The following ACADM variants were observed in gnomAD, a reference collection of about 807,000 sequenced individuals.
ACADM encodes acyl-CoA dehydrogenase medium chain.
A neutral mutation model predicts 58.9 loss-of-function variants in ACADM; 49 were observed. That is an observed-to-expected ratio of 0.83 (90% CI 0.66 to 1.06). The LOEUF (loss-of-function observed/expected upper bound fraction) is 1.06. ACADM is among the 50% of genes least tolerant of loss of function. ACADM has a pLI of 0.00. For missense variants in ACADM, 496 were observed against 507.0 expected, an observed-to-expected ratio of 0.98 and a Z score of 0.21; for synonymous variants, 160 against 157.7, an observed-to-expected ratio of 1.01 and a Z score of -0.11.
At chr1:75,759,371 A>T (rs1284863612) in intron 10 of ACADM, among the ~76,000 whole-genome samples, 4 of 152,230 alleles carry the variant, frequency 2.6e-5, no homozygotes, top group Admixed American at 1.3e-4. Context: ...CTTTCCAGTG[A>T]CCAGCACCAC....
rs121434278 is a variant in ACADM, at chr1:75,740,094, G to A, written c.583G>A (p.Gly195Arg). 7.4e-5 allele frequency: 120 copies of A among 1,611,412 alleles called. 1 individual carries two copies. The highest frequency in any genetic ancestry group is 9.0e-5 in the Non-Finnish European group (106 of 1,178,284). ...TGGTCAGAAGATGTGGATAACCAAC[G>A]GAGGAAAAGCTAATTGGTATGTTGT... The part of the protein sequence containing the change: ...INGQKMWITN[G>R]GKANWYFLLA... Residue 195 changes from glycine (G) to arginine (R), a missense_variant, in exon 7 of 12, where the codon GGA becomes AGA. By Grantham distance (125) the Gly-to-Arg change is moderately radical. Coordinates refer to ENST00000370841, the MANE Select transcript of ACADM (RefSeq NM_000016.6).
At chr1:75,752,800 T>A (rs1164399706) in intron 10 of ACADM, among the ~76,000 whole-genome samples, 1 of 152,188 alleles carries the variant, frequency 6.6e-6, no homozygotes, top group Non-Finnish European at 1.5e-5. Context: ...TCTTTTATGG[T>A]CAATTATTTT....
At chr1:75,734,226 C>T (rs57969820) in intron 5 of ACADM, among the ~76,000 whole-genome samples, 11 of 143,918 alleles carry the variant, frequency 7.6e-5, no homozygotes, top group South Asian at 6.5e-4. Flanking sequence ...TGCAGTGGCG[C>T]GATCTCAGCT....
At chr1:75,726,895 T>A (rs997481716) in intron 1 of ACADM, among the ~76,000 whole-genome samples, 3 of 150,398 alleles carry the variant, frequency 2.0e-5, no homozygotes, top group Non-Finnish European at 4.4e-5. Context: ...ACCTCCGCCT[T>A]CCGGGTTCAA....
intron 4 of ACADM, chr1:75,733,221 T>C: frequency 1.3e-6 from 2 of 1,566,328 alleles, no homozygotes; most frequent in Non-Finnish European, 1.7e-6. Context: ...TTTTATTGAG[T>C]CTTTTTTGTG....
At chr1:75,761,031 A>G in intron 10 of ACADM, 91 bp from the exon 11 acceptor site, 1 of 1,294,820 alleles carries the variant, frequency 7.7e-7, no homozygotes, top group Non-Finnish European at 1.1e-6. Context: ...ACATAGCAAG[A>G]CCCCGTCACT....
chr1:75,762,433 C>T (rs959990242), intron 11 of ACADM, among the ~76,000 whole-genome samples: 2 of 152,022 alleles, frequency 1.3e-5, no homozygotes, highest in African/African-American at 4.8e-5. Flanking sequence ...AATATCTTTT[C>T]TTTTTTTATA....
At chr1:75,747,901 A>G (rs1343252897) in intron 8 of ACADM, among the ~76,000 whole-genome samples, 1 of 152,246 alleles carries the variant, frequency 6.6e-6, no homozygotes, top group Non-Finnish European at 1.5e-5. Context: ...TTTTCTCATT[A>G]TATATGCATG....
chr1:75,741,187 T>TA (rs950331607), intron 7 of ACADM, among the ~76,000 whole-genome samples: 1 of 152,196 alleles, frequency 6.6e-6, no homozygotes, highest in Non-Finnish European at 1.5e-5. Flanking sequence ...TCTCTCTTTG[T>TA]AAAAAATTCA....
Position 75,745,819 on chromosome 1 carries a change from G to C in ACADM, c.613G>C (p.Ala205Pro), listed in dbSNP as rs1324329442. 6.2e-7 allele frequency: 1 copy of C among 1,613,166 alleles called. No individual in the cohort carries two copies. Among genetic ancestry groups the C allele is most frequent in the Non-Finnish European group, 8.5e-7 (1 of 1,179,364 alleles). The change falls in exon 8 of 12, where the codon GCA (alanine) becomes CCA (proline). Residue 205 changes from alanine (A) to proline (P), a missense_variant. Transcript: ENST00000370841. ...TGTATCTCTTAGGTATTTTTTATTG[G>C]CACGTTCTGATCCAGATCCTAAAGC... ...GGKANWYFLL[A>P]RSDPDPKAPA...
chr1:75,761,467 T>G, intron 11 of ACADM, 97 bp downstream of exon 11: 1 of 1,342,880 alleles, frequency 7.4e-7, no homozygotes, highest in Non-Finnish European at 1.1e-6. Context: ...ATGTCCCTAG[T>G]AGCAATAAAT....
chr1:75,762,914 C>T lies in ACADM; in HGVS notation c.*151C>T. On this transcript the variant is annotated 3_prime_UTR_variant, in exon 12 of 12. Coordinates refer to ENST00000370841, the MANE Select transcript of ACADM (RefSeq NM_000016.6). ...CTTATTATAGTAGTTTATACTTTTGCTTAACTCTGTTATGTCTCTTAAGCA... is the reference window on the plus strand; with the variant it reads ...CTTATTATAGTAGTTTATACTTTTGTTTAACTCTGTTATGTCTCTTAAGCA... 6.9e-6 allele frequency: 4 copies of T among 581,546 alleles called. No homozygotes were observed. In the South Asian group the frequency reaches 8.6e-5, roughly 12 times the overall value. The allele number at this position is 581,546 out of a possible 1,614,324, so 36.0% of individuals were successfully genotyped here. A position where few individuals can be genotyped will look rare whatever the true frequency, so the allele number is the denominator to read the frequency against.
chr1:75,751,493 C>CTTTTTTTTTT (rs370953741), intron 10 of ACADM, among the ~76,000 whole-genome samples: 1 of 144,236 alleles, frequency 6.9e-6, no homozygotes, highest in African/African-American at 2.6e-5. Context: ...AGGATCCTTG[C>CTTTTTTTTTT]TTTTTTTTTT....
intron 7 of ACADM, chr1:75,743,331 C>G: frequency 6.9e-7 from 1 of 1,456,734 alleles, no homozygotes; most frequent in South Asian, 1.3e-5. Context: ...TGCCTGTCAC[C>G]AGGCTAACCT....
At chr1:75,736,311 T>C (rs918225904) in intron 6 of ACADM, among the ~76,000 whole-genome samples, 6 of 152,146 alleles carry the variant, frequency 3.9e-5, no homozygotes, top group Admixed American at 3.3e-4. Context: ...GTAGATGTAT[T>C]AGTTTTGAGC....
intron 1 of ACADM, 90 bp from the exon 2 acceptor site, chr1:75,728,311 G>A: frequency 9.8e-7 from 1 of 1,020,412 alleles, no homozygotes; most frequent in Non-Finnish European, 1.5e-6. Flanking sequence ...GGTCAAACCA[G>A]TTGCTGTACT....
intron 7 of ACADM, chr1:75,744,044 C>T (rs1171685082): frequency 1.9e-6 from 3 of 1,584,994 alleles, no homozygotes; most frequent in African/African-American, 1.3e-5. Context: ...AGCATTGGCA[C>T]ATGTATTCTG....
intron 10 of ACADM, among the ~76,000 whole-genome samples, chr1:75,751,323 G>T (rs1321163581): frequency 6.6e-6 from 1 of 151,724 alleles, no homozygotes. Context: ...CTGGGCGACA[G>T]AGTGAGACTC....
chr1:75,758,499 T>C lies in ACADM; in HGVS notation c.946-2623T>C, dbSNP rs117395354. ...GAACCTCTGGAAGCTCTCCAAACCC[T>C]GTCCTCTTGAGAGGTGAAGCCAGCT... is the stretch of plus-strand genomic sequence containing the variant. On this transcript the variant is annotated intron_variant, in intron 10 of 11. Coordinates refer to ENST00000370841, the MANE Select transcript of ACADM (RefSeq NM_000016.6). Among the ~76,000 whole-genome samples, 525 of 152,310 alleles carry C rather than the reference T, an allele frequency of 3.4e-3. 25 individuals carry two copies. The East Asian group carries it at 0.09, about 26-fold the overall frequency.
Sources: allele counts gnomAD v4.1 joint callset (sites outside exome capture counted in the v4.1 genomes callset), GRCh38; gene constraint gnomAD v4.1.1; transcripts MANE v1.5; gene names NCBI Gene and HGNC (gene_info 2026-07-23, HGNC 2026-07-21).